HYDIN: variants seen among roughly 807,000 people sequenced by gnomAD.
HYDIN encodes the protein axonemal central pair apparatus protein HYDIN.
In HYDIN, 132 loss-of-function variants were observed where a neutral mutation model predicts 403.9. The ratio of observed to expected loss-of-function variants is 0.33; its 90% CI spans 0.28 to 0.38. HYDIN has a LOEUF of 0.38. Among genes scored for constraint, HYDIN ranks in the 10% least tolerant of loss-of-function variants. HYDIN has a pLI of 1.00. For synonymous variants in HYDIN, 1,202 were observed against 1,891.7 expected (o/e 0.64, Z 9.46); for missense variants, 2,827 against 5,009.5 (o/e 0.56, Z 13.15).
In HYDIN at chr16:71,178,964, G is replaced by C. The variant is rs143520327; in HGVS notation, c.345C>G (p.Val115=). The C allele has an allele frequency of 8.1e-6, 13 of 1,611,630 alleles. No homozygotes were observed. The highest frequency in any genetic ancestry group is 1.7e-6 in the Non-Finnish European group (2 of 1,178,358). The change falls in exon 4 of 86, where the codon GTC becomes GTG. Residue 115 remains valine (V), a synonymous_variant. Coordinates refer to ENST00000393567, the MANE Select transcript of HYDIN (RefSeq NM_001270974.2). The stretch of plus-strand genomic sequence containing the variant: ...TCCTCAAAATCAGTGGAACTTCATA[G>C]ACTTCACAGGGAGTGTAGTTCTGAA... ...IIFQNYTPCE[V]YEVPLILRNN...
In HYDIN at chr16:71,186,817, T is replaced by C; in HGVS notation, c.79A>G (p.Lys27Glu). 6.2e-7 allele frequency: 1 copy of C among 1,613,574 alleles called. No homozygotes were observed. The highest frequency in any genetic ancestry group is 8.5e-7 in the Non-Finnish European group (1 of 1,179,626). Residue 27 changes from lysine (K) to glutamate (E), a missense_variant, in exon 2 of 86, where the codon AAG (lysine) becomes GAG (glutamate). By Grantham distance (56) the Lys-to-Glu change is moderately conservative. Coordinates refer to ENST00000393567, the MANE Select transcript of HYDIN (RefSeq NM_001270974.2). ...TTTGGACTCAGGGGTGGCAAAACCT[T>C]GCTTTGAAATCCTTTGAACATATTG... ...LVNMFKGFQS[K>E]VLPPLSPKVV... is the part of the protein sequence containing the mutation.
intron 7 of HYDIN, among the ~76,000 whole-genome samples, chr16:71,138,731 A>C (rs980872764): frequency 5.3e-5 from 8 of 152,246 alleles, no homozygotes; most frequent in Admixed American, 5.2e-4. Flanking sequence ...ACCTTTTCAT[A>C]AATTAATTGG....
chr16:71,125,536 C>T (rs1160501556), intron 9 of HYDIN, among the ~76,000 whole-genome samples: 1 of 151,948 alleles, frequency 6.6e-6, no homozygotes, highest in African/African-American at 2.4e-5. Flanking sequence ...ACTGCAATAC[C>T]CTGTTTGTGT....
intron 45 of HYDIN, among the ~76,000 whole-genome samples, chr16:70,921,637 G>A (rs2076998518): frequency 6.6e-6 from 1 of 152,104 alleles, no homozygotes; most frequent in South Asian, 2.1e-4. Context: ...CCCTGGGAGA[G>A]GACTCAGCCT....
chr16:71,145,206 G>A (rs2144559735), intron 7 of HYDIN, among the ~76,000 whole-genome samples: 1 of 151,056 alleles, frequency 6.6e-6, no homozygotes, highest in African/African-American at 2.4e-5. Flanking sequence ...ATTCACCAAA[G>A]GTAACATCAG....
intron 4 of HYDIN, among the ~76,000 whole-genome samples, chr16:71,176,367 A>G (rs370385808): frequency 6.6e-6 from 1 of 151,774 alleles, no homozygotes. Flanking sequence ...AACCTCACCC[A>G]CATAATGGAG....
chr16:71,210,340 G>A (rs1475630500), intron 1 of HYDIN, among the ~76,000 whole-genome samples: 1 of 152,162 alleles, frequency 6.6e-6, no homozygotes, highest in Non-Finnish European at 1.5e-5. Flanking sequence ...AAAAAAGAAT[G>A]AGATCATGTC....
intron 23 of HYDIN, among the ~76,000 whole-genome samples, chr16:71,009,274 T>C (rs1279407127): frequency 1.4e-5 from 2 of 146,914 alleles, no homozygotes; most frequent in African/African-American, 5.2e-5. Flanking sequence ...CGAGGGATGA[T>C]GGAAGAGACA....
chr16:71,183,549 C>A (rs534733345), intron 3 of HYDIN, among the ~76,000 whole-genome samples: 2 of 152,180 alleles, frequency 1.3e-5, no homozygotes, highest in South Asian at 4.1e-4. Context: ...AGGGAGAAAT[C>A]AGGCTGGCTT....
At chr16:71,098,586 T>C (rs2083355318) in intron 10 of HYDIN, among the ~76,000 whole-genome samples, 1 of 151,512 alleles carries the variant, frequency 6.6e-6, no homozygotes, top group African/African-American at 2.4e-5. Flanking sequence ...TTACACTCTT[T>C]GGTCAAGAGA....
chr16:70,966,798 T>C (rs1482252931), intron 36 of HYDIN, among the ~76,000 whole-genome samples: 2 of 152,154 alleles, frequency 1.3e-5, no homozygotes, highest in South Asian at 4.2e-4. Flanking sequence ...CACCAGAGAA[T>C]GAGCTGTAGA....
chr16:71,132,867 G>C (rs1279930907), intron 8 of HYDIN: 1 of 148,656 alleles, frequency 6.7e-6, no homozygotes, highest in African/African-American at 2.5e-5. Flanking sequence ...CTCCAACAAG[G>C]GCTTCCATAG....
At chr16:71,143,918 TTAA>T (rs1203344971) in intron 7 of HYDIN, among the ~76,000 whole-genome samples, 2 of 152,264 alleles carry the variant, frequency 1.3e-5, no homozygotes, top group African/African-American at 4.8e-5. Flanking sequence ...GTGTGTATAT[TTAA>T]TAATAACACA....
chr16:71,041,806 T>A (rs1045341456), intron 18 of HYDIN, among the ~76,000 whole-genome samples: 1 of 151,538 alleles, frequency 6.6e-6, no homozygotes, highest in Non-Finnish European at 1.5e-5. Flanking sequence ...GAGACACACA[T>A]ATATATTTAT....
At chr16:70,940,567 C>A (rs1180917700) in intron 43 of HYDIN, among the ~76,000 whole-genome samples, 1 of 151,946 alleles carries the variant, frequency 6.6e-6, no homozygotes, top group Non-Finnish European at 1.5e-5. Context: ...GGAGAAATTT[C>A]ATTCTGAAGA....
At chr16:71,110,272 T>C (rs1362381744) in intron 10 of HYDIN, among the ~76,000 whole-genome samples, 1 of 145,516 alleles carries the variant, frequency 6.9e-6, no homozygotes, top group Admixed American at 7.0e-5. Flanking sequence ...AATTATGATA[T>C]ACATAATATA....
At chr16:71,205,518 C>G (rs1454758079) in intron 1 of HYDIN, among the ~76,000 whole-genome samples, 1 of 152,218 alleles carries the variant, frequency 6.6e-6, no homozygotes, top group Non-Finnish European at 1.5e-5. Context: ...TCCAAGGGGA[C>G]CCCCACAAGC....
At chr16:70,831,525 A>C (rs1415328502) in intron 80 of HYDIN, among the ~76,000 whole-genome samples, 3 of 146,732 alleles carry the variant, frequency 2.0e-5, no homozygotes, top group Admixed American at 6.7e-5. Flanking sequence ...AAAAAAAAAA[A>C]AACCAAAAAA....
intron 81 of HYDIN, among the ~76,000 whole-genome samples, chr16:70,828,680 A>G (rs2036758487): frequency 6.6e-6 from 1 of 152,228 alleles, no homozygotes; most frequent in East Asian, 1.9e-4. Context: ...CATATATATA[A>G]GAACCATTTA....
Sources: allele counts gnomAD v4.1 joint callset (sites outside exome capture counted in the v4.1 genomes callset), GRCh38; gene constraint gnomAD v4.1.1; transcripts MANE v1.5; gene names NCBI Gene and HGNC (gene_info 2026-07-23, HGNC 2026-07-21).